The following BTLA variants were observed in gnomAD, a reference collection of about 807,000 sequenced individuals.
The protein encoded by BTLA is B- and T-lymphocyte attenuator.
Under a neutral mutation model 25.0 loss-of-function variants are expected in BTLA, and 11 were observed. The observed-to-expected ratio is 0.44, with a 90% confidence interval of 0.28 to 0.73. The LOEUF (loss-of-function observed/expected upper bound fraction) is 0.73. BTLA is among the 30% of genes least tolerant of loss of function. BTLA has a pLI of 0.15. For synonymous variants in BTLA, 104 were observed against 119.8 expected, an observed-to-expected ratio of 0.87 and a Z score of 0.86; for missense variants, 282 against 332.8, an observed-to-expected ratio of 0.85 and a Z score of 1.19.
rs34606026 is a variant in BTLA at position 112,498,568 on chromosome 3, C to CTTTTTT, written c.88+697_88+702dup. 5.8e-4 allele frequency among the ~76,000 whole-genome samples: 49 copies of CTTTTTT among 83,866 alleles called. 2 individuals carry two copies. The highest frequency in any genetic ancestry group is 1.8e-3 in the African/African-American group (34 of 18,880). The allele number at this position is 83,866 out of a possible 152,430, so 55.0% of individuals were successfully genotyped here. ...GACTTTACAATAAAAAAGAAATTGC[C>CTTTTTT]TTTTTTTTTTTTTTTTTTTTTTTGC... is the stretch of plus-strand genomic sequence containing the variant. On this transcript the variant is annotated intron_variant, in intron 1 of 4. Coordinates refer to ENST00000334529, the MANE Select transcript of BTLA (RefSeq NM_181780.4).
Position 112,499,440 on chromosome 3 carries a change from T to G in BTLA, c.-82A>C, listed in dbSNP as rs1453882582. The G allele has an allele frequency of 2.8e-5, 30 of 1,083,970 alleles. No homozygotes were observed. Among genetic ancestry groups the G allele is most frequent in the Non-Finnish European group, 1.3e-6 (1 of 752,964 alleles). 67.1% of individuals were successfully genotyped at this position (1,083,970 alleles called of 1,614,324 possible). ...TCTGAGTGCTGCAGAGTTGGGTCAG[T>G]TTACCTACCCCAGTGGCATCTGTGA... On this transcript the variant is annotated 5_prime_UTR_variant, in exon 1 of 5. Coordinates refer to ENST00000334529, the MANE Select transcript of BTLA (RefSeq NM_181780.4).
chr3:112,494,554 C>T (rs1191685663), intron 1 of BTLA, among the ~76,000 whole-genome samples: 29 of 152,166 alleles, frequency 1.9e-4, no homozygotes, highest in Non-Finnish European at 4.4e-5. Context: ...TACATATACA[C>T]CGTGGAATAC....
intron 1 of BTLA, 148 bp from the exon 2 acceptor site, chr3:112,479,917 C>G: frequency 1.6e-6 from 1 of 630,090 alleles, no homozygotes; most frequent in Admixed American, 3.1e-5. Context: ...CAGAATGTCT[C>G]ATACATATTA....
intron 2 of BTLA, among the ~76,000 whole-genome samples, chr3:112,471,826 G>A (rs568078280): frequency 1.8e-4 from 27 of 152,210 alleles, no homozygotes; most frequent in African/African-American, 5.3e-4. Context: ...TCCTTGTCTC[G>A]TAACTTATCA....
intron 2 of BTLA, among the ~76,000 whole-genome samples, chr3:112,474,119 T>A (rs1459817714): frequency 1.3e-5 from 2 of 152,192 alleles, no homozygotes; most frequent in Non-Finnish European, 2.9e-5. Context: ...CACAGTCCTG[T>A]TCTTACATGA....
intron 1 of BTLA, among the ~76,000 whole-genome samples, chr3:112,494,349 C>G (rs1314139703): frequency 6.6e-6 from 1 of 152,126 alleles, no homozygotes; most frequent in Non-Finnish European, 1.5e-5. Flanking sequence ...GACAGTATGG[C>G]AATTCCTCGA....
At chr3:112,497,529 A>G (rs75855160) in intron 1 of BTLA, among the ~76,000 whole-genome samples, 1,635 of 152,296 alleles carry the variant, frequency 0.011, 10 homozygotes, top group Non-Finnish European at 0.019. Context: ...TTTCATAGAG[A>G]GTAGTTTATG....
intron 4 of BTLA, 133 bp from the exon 5 acceptor site, chr3:112,466,516 C>G: frequency 1.3e-6 from 1 of 776,904 alleles, no homozygotes; most frequent in Non-Finnish European, 1.9e-6. Context: ...TCCTCACATA[C>G]TCTGCTGACA....
chr3:112,495,159 A>G (rs2082402485), intron 1 of BTLA, among the ~76,000 whole-genome samples: 1 of 152,194 alleles, frequency 6.6e-6, no homozygotes, highest in Non-Finnish European at 1.5e-5. Flanking sequence ...ATTTTTTTAG[A>G]TGAGAAAACT....
chr3:112,488,427 T>C (rs193132892), intron 1 of BTLA, among the ~76,000 whole-genome samples: 42 of 152,212 alleles, frequency 2.8e-4, no homozygotes, highest in African/African-American at 1.0e-3. Context: ...TTTTACCCGG[T>C]TAACCAGGAT....
intron 1 of BTLA, among the ~76,000 whole-genome samples, chr3:112,498,498 C>T (rs369691184): frequency 6.6e-6 from 1 of 150,934 alleles, no homozygotes; most frequent in Non-Finnish European, 1.5e-5. Flanking sequence ...ATAGGCTTTT[C>T]CTCTTGATAA....
At chr3:112,483,897 A>G (rs1230649270) in intron 1 of BTLA, among the ~76,000 whole-genome samples, 3 of 151,392 alleles carry the variant, frequency 2.0e-5, no homozygotes, top group African/African-American at 7.3e-5. Context: ...GAACCCAGGA[A>G]CTGGAGGTTC....
At position 112,472,911 on chromosome 3, in the gene BTLA, G is replaced by A. The variant is rs1033328780; in HGVS notation, c.404-1556C>T. ...GAGTGCCAGAAACAGCTGCCTGGGGGAGGGTCTTGGATAGCAATGGGGACT... is the reference window on the plus strand; with the variant it reads ...GAGTGCCAGAAACAGCTGCCTGGGGAAGGGTCTTGGATAGCAATGGGGACT... On this transcript the variant is annotated intron_variant, in intron 2 of 4. Transcript: ENST00000334529. 3.9e-5 allele frequency among the ~76,000 whole-genome samples: 6 copies of A among 151,920 alleles called. No individual in the cohort carries two copies. In the East Asian group the frequency reaches 5.8e-4, roughly 15 times the overall value.
intron 2 of BTLA, among the ~76,000 whole-genome samples, chr3:112,477,358 T>TG (rs753460558): frequency 2.5e-3 from 3 of 1,214 alleles, no homozygotes; most frequent in African/African-American, 2.8e-3. Flanking sequence ...ATTTTCTGTG[T>TG]TTTTTTTTTT....
At chr3:112,469,868 G>T in intron 3 of BTLA, 64 bp from the exon 4 acceptor site, 1 of 1,333,744 alleles carries the variant, frequency 7.5e-7, no homozygotes. Context: ...AAACCACCTT[G>T]CCACCCATGC....
At chr3:112,499,234 G>T in intron 1 of BTLA, 37 bp downstream of exon 1, 1 of 1,453,202 alleles carries the variant, frequency 6.9e-7, no homozygotes. Context: ...GACCCCCTGA[G>T]AAATAAAACC....
chr3:112,467,349 C>T (rs866155252), intron 4 of BTLA, among the ~76,000 whole-genome samples: 30 of 152,264 alleles, frequency 2.0e-4, no homozygotes, highest in Non-Finnish European at 4.0e-4. Flanking sequence ...AAAATTAGTC[C>T]TGATGTTTTC....
intron 1 of BTLA, among the ~76,000 whole-genome samples, chr3:112,489,899 T>A (rs2082370625): frequency 6.6e-6 from 1 of 152,154 alleles, no homozygotes; most frequent in Non-Finnish European, 1.5e-5. Context: ...AAATAATCTG[T>A]CTCTCAAATC....
chr3:112,493,210 C>T (rs1054171880), intron 1 of BTLA, among the ~76,000 whole-genome samples: 2 of 152,178 alleles, frequency 1.3e-5, no homozygotes, highest in Non-Finnish European at 1.5e-5. Flanking sequence ...GATTCTCAAG[C>T]ACTATTAGCT....
Sources: gnomAD v4.1 joint callset for allele counts (sites outside exome capture counted in the v4.1 genomes callset) on GRCh38, gnomAD v4.1.1 for gene constraint, MANE v1.5 for transcripts, NCBI Gene and HGNC (gene_info 2026-07-23, HGNC 2026-07-21) for gene names.